Variants in TRAPPC9 observed in about 807,000 individuals in gnomAD.
The protein encoded by TRAPPC9 is trafficking protein particle complex subunit 9.
In TRAPPC9, 83 loss-of-function variants were observed where a neutral mutation model predicts 124.0. That is an observed-to-expected ratio of 0.67 (90% CI 0.56 to 0.80). The LOEUF is 0.80. Ranked by LOEUF, TRAPPC9 falls within the 30% of genes least tolerant of loss-of-function variation. TRAPPC9 has a pLI of 0.00. For missense variants in TRAPPC9, 1,302 were observed against 1,508.3 expected, an observed-to-expected ratio of 0.86 and a Z score of 2.27; for synonymous variants, 638 against 617.5, an observed-to-expected ratio of 1.03 and a Z score of -0.49.
At chr8:139,851,472 C>T (rs188879898) in intron 21 of TRAPPC9, among the ~76,000 whole-genome samples, 7 of 152,154 alleles carry the variant, frequency 4.6e-5, no homozygotes, top group East Asian at 1.9e-4. Flanking sequence ...TGGTGCATCC[C>T]GGAAGGCATG....
chr8:139,794,902 C>T (rs373821213), intron 21 of TRAPPC9, among the ~76,000 whole-genome samples: 4 of 152,300 alleles, frequency 2.6e-5, no homozygotes, highest in African/African-American at 9.6e-5. Context: ...GCTGTGCCAT[C>T]CTGAGTCACC....
At chr8:140,409,143 C>T (rs1261510838) in intron 5 of TRAPPC9, among the ~76,000 whole-genome samples, 1 of 151,514 alleles carries the variant, frequency 6.6e-6, no homozygotes, top group Non-Finnish European at 1.5e-5. Context: ...AACTAAAAAT[C>T]CAACAGAAAA....
intron 21 of TRAPPC9, among the ~76,000 whole-genome samples, chr8:139,762,340 TAC>T (rs1820294133): frequency 6.6e-6 from 1 of 152,218 alleles, no homozygotes; most frequent in African/African-American, 2.4e-5. Flanking sequence ...TTCTCTTAAA[TAC>T]AGTCACGCAC....
chr8:139,836,545 C>G (rs1034042837), intron 21 of TRAPPC9, among the ~76,000 whole-genome samples: 3 of 152,202 alleles, frequency 2.0e-5, no homozygotes, highest in African/African-American at 7.2e-5. Context: ...CCCAACTGCT[C>G]CCCTGCAGCA....
intron 17 of TRAPPC9, among the ~76,000 whole-genome samples, chr8:140,106,273 G>A (rs1462874513): frequency 6.6e-6 from 1 of 152,190 alleles, no homozygotes; most frequent in African/African-American, 2.4e-5. Context: ...TCGCATTTTT[G>A]TGTCAGACAG....
At position 140,117,841 on chromosome 8, in the gene TRAPPC9, TTC is replaced by T. The variant is rs539321577; in HGVS notation, c.2557-93764_2557-93763del. 1.6e-4 allele frequency among the ~76,000 whole-genome samples: 25 copies of T among 152,310 alleles called. No individual in the cohort carries two copies. The South Asian group carries it at 4.1e-3, about 25-fold the overall frequency. On this transcript the variant is annotated intron_variant, in intron 17 of 22. Transcript: ENST00000438773. Reference sequence around the variant, plus strand: ...TCTTAAAGAGAATTTGGAAAATAAATTCTGATTCATCACTACAGTTACAAGAT... The same window carrying T: ...TCTTAAAGAGAATTTGGAAAATAAATTGATTCATCACTACAGTTACAAGAT...
intron 4 of TRAPPC9, among the ~76,000 whole-genome samples, chr8:140,429,462 T>C (rs575548100): frequency 7.5e-4 from 114 of 152,306 alleles, no homozygotes; most frequent in African/African-American, 2.5e-3. Context: ...AACCTGTCTA[T>C]GCCTCAGTTT....
chr8:139,791,149 G>A (rs549694518), intron 21 of TRAPPC9, among the ~76,000 whole-genome samples: 37 of 152,274 alleles, frequency 2.4e-4, no homozygotes, highest in African/African-American at 8.4e-4. Flanking sequence ...CACAAGCCAC[G>A]CTGGTGAGAA....
At chr8:139,882,635 G>A (rs963588244) in intron 21 of TRAPPC9, among the ~76,000 whole-genome samples, 2 of 152,178 alleles carry the variant, frequency 1.3e-5, no homozygotes, top group Non-Finnish European at 2.9e-5. Flanking sequence ...TCATCTATGG[G>A]GAAAGGGAGT....
intron 21 of TRAPPC9, among the ~76,000 whole-genome samples, chr8:139,832,643 T>C (rs375842604): frequency 1.3e-5 from 2 of 152,042 alleles, no homozygotes; most frequent in African/African-American, 4.8e-5. Flanking sequence ...TCCGCCAGAG[T>C]GAGCACAGAG....
In TRAPPC9 at chr8:139,761,441, G is replaced by A. The variant is rs117175589; in HGVS notation, c.3056-29239C>T. Among the ~76,000 whole-genome samples, 803 of 152,230 alleles carry A rather than the reference G, an allele frequency of 5.3e-3. 18 individuals carry two copies. The East Asian group carries it at 0.062, about 12-fold the overall frequency. On this transcript the variant is annotated intron_variant, in intron 21 of 22. Coordinates refer to ENST00000438773, the MANE Select transcript of TRAPPC9 (RefSeq NM_001160372.4). ...GGCCGAGTTAAAATGTAGACTTCCC[G>A]GGCCCCTTAGAGTTCTGGGCGGGAA...
chr8:140,455,096 T>C (rs1293991009), intron 1 of TRAPPC9, among the ~76,000 whole-genome samples: 1 of 152,136 alleles, frequency 6.6e-6, no homozygotes, highest in Non-Finnish European at 1.5e-5. Context: ...AAAACATGTG[T>C]CCACACCAGA....
chr8:139,862,697 C>G (rs2130988563), intron 21 of TRAPPC9, among the ~76,000 whole-genome samples: 2 of 152,328 alleles, frequency 1.3e-5, no homozygotes, highest in Admixed American at 1.3e-4. Context: ...CTCCATGAAG[C>G]ACCTGCTCTG....
At chr8:139,745,058 C>A (rs2130119147) in intron 21 of TRAPPC9, among the ~76,000 whole-genome samples, 1 of 152,306 alleles carries the variant, frequency 6.6e-6, no homozygotes, top group East Asian at 1.9e-4. Flanking sequence ...CCAGGTAGGC[C>A]TCCTGATTAC....
At chr8:140,358,362 T>C (rs1397079988) in intron 9 of TRAPPC9, among the ~76,000 whole-genome samples, 1 of 152,172 alleles carries the variant, frequency 6.6e-6, no homozygotes, top group Non-Finnish European at 1.5e-5. Flanking sequence ...CCTGCCACCA[T>C]GCCTGGCTAA....
rs900700927 is a variant in TRAPPC9, at chr8:139,788,404, C to T, written c.3056-56202G>A. 6.6e-6 allele frequency among the ~76,000 whole-genome samples: 1 copy of T among 152,214 alleles called. No homozygotes were observed. Among genetic ancestry groups the T allele is most frequent in the African/African-American group, 2.4e-5 (1 of 41,434 alleles). ...CTGGCCTGTCAAAACTGTTAACTAT[C>T]AGGCAGGGCAAGGATGGCGGCTGCT... On this transcript the variant is annotated intron_variant, in intron 21 of 22. Coordinates refer to ENST00000438773, the MANE Select transcript of TRAPPC9 (RefSeq NM_001160372.4). The surrounding 1 kb of genome is among the most constrained non-coding windows in gnomAD (Gnocchi z 4.9).
chr8:139,854,500 C>T (rs1472417274), intron 21 of TRAPPC9, among the ~76,000 whole-genome samples: 1 of 152,192 alleles, frequency 6.6e-6, no homozygotes, highest in Non-Finnish European at 1.5e-5. Context: ...AGCACAGGAC[C>T]CAGCACACAG....
At chr8:139,737,235 G>A (rs568252714) in intron 21 of TRAPPC9, among the ~76,000 whole-genome samples, 19 of 152,230 alleles carry the variant, frequency 1.2e-4, no homozygotes, top group Non-Finnish European at 2.4e-4. Context: ...CAGGGGCCAC[G>A]CAGCCTGCCT....
At chr8:140,278,698 C>T (rs1272815242) in intron 14 of TRAPPC9, among the ~76,000 whole-genome samples, 6 of 152,138 alleles carry the variant, frequency 3.9e-5, no homozygotes, top group African/African-American at 2.4e-5. Flanking sequence ...GCCATCAGGC[C>T]GCCTGCTCCT....
Sources: gnomAD v4.1 joint callset for allele counts (sites outside exome capture counted in the v4.1 genomes callset) on GRCh38, gnomAD v4.1.1 for gene constraint, Gnocchi (gnomAD v3.1) non-coding constraint, MANE v1.5 for transcripts, NCBI Gene and HGNC (gene_info 2026-07-23, HGNC 2026-07-21) for gene names.